BCAS3: variants seen among roughly 807,000 people sequenced by gnomAD.
BCAS3 encodes the protein BCAS3 microtubule associated cell migration factor.
Under a neutral mutation model 116.1 loss-of-function variants are expected in BCAS3, and 53 were observed. The observed-to-expected ratio is 0.46, with a 90% CI of 0.37 to 0.57. BCAS3 has a LOEUF of 0.57. Among genes scored for constraint, BCAS3 ranks in the 20% least tolerant of loss-of-function variants. BCAS3 has a pLI of 0.00. For missense variants in BCAS3, 917 were observed against 1,165.4 expected (o/e 0.79, Z 3.10); for synonymous variants, 391 against 408.2 (o/e 0.96, Z 0.51).
At chr17:60,722,958 T>G (rs2039412221) in intron 5 of BCAS3, among the ~76,000 whole-genome samples, 1 of 151,304 alleles carries the variant, frequency 6.6e-6, no homozygotes, top group Admixed American at 6.6e-5. Context: ...AGAGGATCAC[T>G]TGAGTCTAGG....
chr17:60,760,247 T>C (rs73334353), intron 6 of BCAS3, among the ~76,000 whole-genome samples: 6,641 of 152,274 alleles, frequency 0.044, 530 homozygotes, highest in African/African-American at 0.15. Context: ...TTGCATATTC[T>C]TTGTTCCTTT....
At chr17:60,821,205 C>T (rs2049934443) in intron 7 of BCAS3, among the ~76,000 whole-genome samples, 1 of 152,172 alleles carries the variant, frequency 6.6e-6, no homozygotes, top group East Asian at 1.9e-4. Flanking sequence ...CCTCAGCCTT[C>T]TAAAGCGCTG....
intron 6 of BCAS3, among the ~76,000 whole-genome samples, chr17:60,806,058 C>A (rs1157563173): frequency 6.6e-6 from 1 of 150,690 alleles, no homozygotes; most frequent in Non-Finnish European, 1.5e-5. Flanking sequence ...TTTTTTTAAA[C>A]TAGAGATGGG....
At chr17:61,101,147 A>G (rs941038890) in intron 22 of BCAS3, among the ~76,000 whole-genome samples, 2 of 152,172 alleles carry the variant, frequency 1.3e-5, no homozygotes, top group African/African-American at 2.4e-5. Context: ...TGGCACCTCT[A>G]TTTTAAAAGA....
rs1221046981 is a variant in BCAS3, at chr17:61,222,427, A to G, written c.2425+137863A>G. On this transcript the variant is annotated intron_variant, in intron 22 of 23. Coordinates refer to ENST00000407086, the MANE Select transcript of BCAS3 (RefSeq NM_017679.5). The surrounding 1 kb of genome is among the most constrained non-coding windows in gnomAD (Gnocchi z 6.1). ...GGAGAGGTGGAGTAGATGGTCTCCA[A>G]GGTAGCTTGTGGTCTAAAATTCTGT... Among the ~76,000 whole-genome samples, 3 of 152,204 alleles carry G rather than the reference A, an allele frequency of 2.0e-5. No individual in the cohort carries two copies. Among genetic ancestry groups the G allele is most frequent in the Non-Finnish European group, 2.9e-5 (2 of 68,032 alleles).
chr17:61,120,468 T>G (rs1454480673), intron 22 of BCAS3, among the ~76,000 whole-genome samples: 1 of 152,130 alleles, frequency 6.6e-6, no homozygotes, highest in African/African-American at 2.4e-5. Context: ...TTAATGTGTG[T>G]GTGCATATAC....
chr17:60,970,995 C>T (rs555466025), intron 14 of BCAS3, among the ~76,000 whole-genome samples: 1 of 152,272 alleles, frequency 6.6e-6, no homozygotes, highest in East Asian at 1.9e-4. Flanking sequence ...ATACTTAAGT[C>T]AGAGGCAAAA....
chr17:61,241,793 TAAC>T lies in BCAS3; in HGVS notation c.2426-126532_2426-126530del, dbSNP rs2047548817. On this transcript the variant is annotated intron_variant, in intron 22 of 23. Transcript: ENST00000407086. This position sits in a 1 kb window ranked among gnomAD's most constrained non-coding sequence, Gnocchi z 4.6. Reference sequence around the variant, plus strand: ...ATGTACTTACCTATTTTTTCTCTACTAACATCATTTAACATGTAAAATAAAATT... The same window carrying T: ...ATGTACTTACCTATTTTTTCTCTACTATCATTTAACATGTAAAATAAAATT... 6.6e-6 allele frequency among the ~76,000 whole-genome samples: 1 copy of T among 152,246 alleles called. No homozygotes were observed. Among genetic ancestry groups the T allele is most frequent in the South Asian group, 2.1e-4 (1 of 4,832 alleles).
intron 22 of BCAS3, among the ~76,000 whole-genome samples, chr17:61,284,889 C>T (rs1258112921): frequency 6.6e-6 from 1 of 152,218 alleles, no homozygotes; most frequent in Non-Finnish European, 1.5e-5. Flanking sequence ...GATGCCACCT[C>T]AGAAGGGACA....
intron 14 of BCAS3, among the ~76,000 whole-genome samples, chr17:60,968,207 G>T (rs1249631832): frequency 6.6e-6 from 1 of 151,692 alleles, no homozygotes; most frequent in African/African-American, 2.4e-5. Flanking sequence ...GGTATATTTT[G>T]CTTAGTGCAT....
chr17:60,702,612 C>G (rs2036562701), intron 4 of BCAS3, among the ~76,000 whole-genome samples: 1 of 152,016 alleles, frequency 6.6e-6, no homozygotes, highest in Admixed American at 6.6e-5. Flanking sequence ...TTCTTTGAGA[C>G]AGCGTCTTCC....
At chr17:61,386,789 GT>G (rs1236991526) in intron 23 of BCAS3, among the ~76,000 whole-genome samples, 67 of 121,038 alleles carry the variant, frequency 5.5e-4, no homozygotes, top group Admixed American at 4.5e-3. Context: ...TTTTGTTTTT[GT>G]TTTTTGTTTT....
At chr17:60,887,204 T>A (rs1395289374) in intron 9 of BCAS3, 2 of 152,232 alleles carry the variant, frequency 1.3e-5, no homozygotes, top group African/African-American at 4.9e-5. Context: ...AGTGACCCGA[T>A]TTTCCAGGTG....
chr17:60,730,852 A>G (rs2040387691), intron 5 of BCAS3, among the ~76,000 whole-genome samples: 1 of 152,164 alleles, frequency 6.6e-6, no homozygotes, highest in South Asian at 2.1e-4. Flanking sequence ...TTCCTTATCT[A>G]TAAAATGAAA....
At chr17:61,370,286 G>A (rs1171828958) in intron 23 of BCAS3, among the ~76,000 whole-genome samples, 1 of 141,762 alleles carries the variant, frequency 7.1e-6, no homozygotes, top group Non-Finnish European at 1.6e-5. Flanking sequence ...TTTTTTTTTA[G>A]CAGAGGGATT....
chr17:60,971,103 A>T (rs1212662128), intron 14 of BCAS3, among the ~76,000 whole-genome samples: 2 of 152,226 alleles, frequency 1.3e-5, no homozygotes, highest in Non-Finnish European at 2.9e-5. Context: ...ATCAGTGAAT[A>T]GAACCTTACC....
Position 61,352,753 on chromosome 17 carries a change from A to AC in BCAS3, c.2426-15573dup, listed in dbSNP as rs1444773761. Among the ~76,000 whole-genome samples, 7 of 151,874 alleles carry AC rather than the reference A, an allele frequency of 4.6e-5. No homozygotes were observed. The highest frequency in any genetic ancestry group is 1.7e-4 in the African/African-American group (7 of 41,340). On this transcript the variant is annotated intron_variant, in intron 22 of 23. Transcript: ENST00000407086. This position sits in a 1 kb window ranked among gnomAD's most constrained non-coding sequence, Gnocchi z 4.7. ...GAGCCTTCTCTGCAGGCAAGCCTGG[A>AC]CTCCCCACCCCTCTCCTCTAGGCAG...
At chr17:60,982,107 T>C (rs1169991685) in intron 14 of BCAS3, among the ~76,000 whole-genome samples, 1 of 152,200 alleles carries the variant, frequency 6.6e-6, no homozygotes, top group African/African-American at 2.4e-5. Context: ...AAGAAGGATG[T>C]GTTCCAAGAT....
chr17:61,125,821 A>G (rs933674320), intron 22 of BCAS3, among the ~76,000 whole-genome samples: 2 of 152,154 alleles, frequency 1.3e-5, no homozygotes, highest in Non-Finnish European at 2.9e-5. Context: ...CTTTTACGTA[A>G]CTTTATCCAT....
Sources: gnomAD v4.1 joint callset for allele counts (sites outside exome capture counted in the v4.1 genomes callset) on GRCh38, gnomAD v4.1.1 for gene constraint, Gnocchi (gnomAD v3.1) non-coding constraint, MANE v1.5 for transcripts, NCBI Gene and HGNC (gene_info 2026-07-23, HGNC 2026-07-21) for gene names.